GLIS3: variants seen among roughly 807,000 people sequenced by gnomAD.
The protein encoded by GLIS3 is GLIS family zinc finger 3.
Under a neutral mutation model 78.6 loss-of-function variants are expected in GLIS3, and 53 were observed. The observed-to-expected ratio is 0.67, with a 90% CI of 0.54 to 0.85. The LOEUF is 0.85. GLIS3 is among the 40% of genes least tolerant of loss of function. GLIS3 has a pLI of 0.00. For synonymous variants in GLIS3, 684 were observed against 509.9 expected, an observed-to-expected ratio of 1.34 and a Z score of -4.60; for missense variants, 1,703 against 1,231.1, an observed-to-expected ratio of 1.38 and a Z score of -5.74.
chr9:4,080,840 G>A (rs1828496582), intron 4 of GLIS3, among the ~76,000 whole-genome samples: 1 of 152,196 alleles, frequency 6.6e-6, no homozygotes, highest in South Asian at 2.1e-4. Flanking sequence ...AATACCTGCA[G>A]CCAGGCCTTC....
chr9:4,178,698 ACTGT>A (rs758244961), intron 2 of GLIS3, among the ~76,000 whole-genome samples: 1 of 152,182 alleles, frequency 6.6e-6, no homozygotes, highest in Non-Finnish European at 1.5e-5. Flanking sequence ...GAATGACTAC[ACTGT>A]CTTAGAGCGT....
intron 2 of GLIS3, among the ~76,000 whole-genome samples, chr9:4,279,333 AC>A (rs1389264186): frequency 3.0e-5 from 3 of 101,016 alleles, no homozygotes; most frequent in African/African-American, 4.4e-5. Flanking sequence ...ATACACACAC[AC>A]ACACACACAC....
At chr9:4,025,999 C>T (rs1207145653) in intron 4 of GLIS3, among the ~76,000 whole-genome samples, 2 of 152,118 alleles carry the variant, frequency 1.3e-5, no homozygotes, top group Admixed American at 6.5e-5. Flanking sequence ...AAGTAGAAGT[C>T]ATGATAGGGA....
intron 2 of GLIS3, among the ~76,000 whole-genome samples, chr9:4,262,675 A>G (rs79631212): frequency 0.018 from 2,742 of 152,226 alleles, 77 homozygotes; most frequent in African/African-American, 0.062. Flanking sequence ...AAAATTTTCA[A>G]TGAGACCTAT....
chr9:4,442,528 T>C, the GLIS3 span, among the ~76,000 whole-genome samples: 1 of 152,106 alleles, frequency 6.6e-6, no homozygotes, highest in East Asian at 1.9e-4. Context: ...CACTGCTCTA[T>C]TTTCCAAAAT....
At chr9:4,480,827 C>A in the GLIS3 span, among the ~76,000 whole-genome samples, 14 of 147,410 alleles carry the variant, frequency 9.5e-5, no homozygotes, top group African/African-American at 2.3e-4. Context: ...AATTACTACA[C>A]CTTCATTGAA....
At chr9:4,417,007 G>A in the GLIS3 span, among the ~76,000 whole-genome samples, 15 of 151,926 alleles carry the variant, frequency 9.9e-5, no homozygotes, top group African/African-American at 3.1e-4. Context: ...TCTCTGTTCC[G>A]TTCTTTGTTG....
At chr9:4,171,371 G>C (rs1159984078) in intron 2 of GLIS3, among the ~76,000 whole-genome samples, 1 of 152,092 alleles carries the variant, frequency 6.6e-6, no homozygotes, top group Non-Finnish European at 1.5e-5. Context: ...CTTAGAGAGA[G>C]ATTAGATTGA....
chr9:4,266,340 C>G (rs1296867383), intron 2 of GLIS3, among the ~76,000 whole-genome samples: 1 of 152,082 alleles, frequency 6.6e-6, no homozygotes, highest in African/African-American at 2.4e-5. Flanking sequence ...GGATGAAGTG[C>G]CTCCAATGGA....
intron 4 of GLIS3, among the ~76,000 whole-genome samples, chr9:3,996,978 T>A (rs1187374702): frequency 6.6e-6 from 1 of 152,136 alleles, no homozygotes; most frequent in African/African-American, 2.4e-5. Context: ...AAAAAATACA[T>A]CTTAAATAAT....
intron 4 of GLIS3, among the ~76,000 whole-genome samples, chr9:4,050,448 T>TG (rs1347443844): frequency 6.6e-6 from 1 of 151,762 alleles, no homozygotes; most frequent in East Asian, 1.9e-4. Context: ...GGCCTGTTGG[T>TG]GGGTGGGGGT....
intron 4 of GLIS3, among the ~76,000 whole-genome samples, chr9:3,996,509 T>C (rs1217220713): frequency 6.6e-6 from 1 of 152,172 alleles, no homozygotes; most frequent in Non-Finnish European, 1.5e-5. Context: ...TCTGTTACAT[T>C]AAAAGTGCAT....
intron 4 of GLIS3, among the ~76,000 whole-genome samples, chr9:4,061,590 T>C (rs1588573753): frequency 6.6e-6 from 1 of 152,122 alleles, no homozygotes; most frequent in Non-Finnish European, 1.5e-5. Context: ...TGGACACTTA[T>C]AAAGACTGAA....
intron 2 of GLIS3, among the ~76,000 whole-genome samples, chr9:4,195,531 C>A (rs934157834): frequency 6.6e-6 from 1 of 152,248 alleles, no homozygotes; most frequent in Non-Finnish European, 1.5e-5. Flanking sequence ...CAGCCACCTC[C>A]CCATGGGGCA....
intron 2 of GLIS3, among the ~76,000 whole-genome samples, chr9:4,255,761 A>G (rs984867734): frequency 6.6e-6 from 1 of 152,118 alleles, no homozygotes; most frequent in Non-Finnish European, 1.5e-5. Flanking sequence ...CAGTGAAACT[A>G]TTCTATATTA....
chr9:4,190,814 A>G (rs1050146732), intron 2 of GLIS3, among the ~76,000 whole-genome samples: 11 of 152,266 alleles, frequency 7.2e-5, no homozygotes, highest in Non-Finnish European at 1.3e-4. Context: ...AGGAAAGCCC[A>G]TCTGACTAAC....
chr9:3,936,711 C>A (rs1825918268), intron 5 of GLIS3, among the ~76,000 whole-genome samples: 1 of 152,192 alleles, frequency 6.6e-6, no homozygotes, highest in Admixed American at 6.5e-5. Context: ...TAATGCCAGT[C>A]TCTCCTGATC....
intron 4 of GLIS3, among the ~76,000 whole-genome samples, chr9:4,012,313 A>G (rs956754957): frequency 4.6e-5 from 7 of 152,214 alleles, no homozygotes; most frequent in Non-Finnish European, 1.0e-4. Context: ...TCTATTAGGT[A>G]TTGGAAGAGT....
intron 2 of GLIS3, among the ~76,000 whole-genome samples, chr9:4,196,944 T>C (rs1330471019): frequency 6.6e-6 from 1 of 152,066 alleles, no homozygotes; most frequent in Non-Finnish European, 1.5e-5. Context: ...GCTCCACCCC[T>C]AGGCAGAACT....
Sources: allele counts gnomAD v4.1 joint callset (sites outside exome capture counted in the v4.1 genomes callset), GRCh38; gene constraint gnomAD v4.1.1; transcripts MANE v1.5; gene names NCBI Gene and HGNC (gene_info 2026-07-23, HGNC 2026-07-21).